The following IL23R variants were observed in gnomAD, a reference collection of about 807,000 sequenced individuals.
IL23R encodes the protein interleukin-23 receptor.
In IL23R, 34 loss-of-function variants were observed where a neutral mutation model predicts 56.9. The ratio of observed to expected loss-of-function variants is 0.60; its 90% CI spans 0.45 to 0.80. The LOEUF is 0.80. Among genes scored for constraint, IL23R ranks in the 30% least tolerant of loss-of-function variants. IL23R has a pLI of 0.00. For missense variants in IL23R, 635 were observed against 730.0 expected, an observed-to-expected ratio of 0.87 and a Z score of 1.50; for synonymous variants, 230 against 249.2, an observed-to-expected ratio of 0.92 and a Z score of 0.73.
intron 7 of IL23R, among the ~76,000 whole-genome samples, chr1:67,223,980 A>G (rs2100250809): frequency 6.6e-6 from 1 of 152,228 alleles, no homozygotes; most frequent in Non-Finnish European, 1.5e-5. Context: ...TTTTTACCGA[A>G]TCTTTAATAT....
chr1:67,148,737 G>T (rs1194826687), intron 1 of IL23R, among the ~76,000 whole-genome samples: 1 of 152,186 alleles, frequency 6.6e-6, no homozygotes, highest in East Asian at 1.9e-4. Context: ...TTCACTGTGG[G>T]CAGAAGGTAT....
rs947274143 is a variant in IL23R, at chr1:67,170,098, G to C, written c.367+460G>C. The stretch of plus-strand genomic sequence containing the variant: ...GAAGCAGATCCCATTGAGAAATTTT[G>C]AGGCCAAGGTTTAGGGAGAGTTGCA... On this transcript the variant is annotated intron_variant, in intron 3 of 10. Transcript: ENST00000347310. Among the ~76,000 whole-genome samples the C allele has an allele frequency of 2.6e-5, 4 of 152,124 alleles. No individual in the cohort carries two copies. In the South Asian group the frequency reaches 8.3e-4, roughly 32 times the overall value.
intron 1 of IL23R, among the ~76,000 whole-genome samples, chr1:67,146,831 T>G (rs965378222): frequency 6.6e-6 from 1 of 152,222 alleles, no homozygotes; most frequent in African/African-American, 2.4e-5. Context: ...ATCTTCACGA[T>G]TATCTGCTAA....
Position 67,200,750 on chromosome 1 carries a change from G to A in IL23R, c.505G>A (p.Glu169Lys), listed in dbSNP as rs769559634. The A allele has an allele frequency of 5.6e-6, 9 of 1,613,294 alleles. No individual in the cohort carries two copies. Among genetic ancestry groups the A allele is most frequent in the Middle Eastern group, 1.6e-4 (1 of 6,062 alleles). The change falls in exon 5 of 11, where the codon GAA (glutamate) becomes AAA (lysine). Residue 169 changes from glutamate to lysine, a missense_variant. Physicochemically the swap from Glu to Lys is moderately conservative, Grantham distance 56 (BLOSUM62 1). Coordinates refer to ENST00000347310, the MANE Select transcript of IL23R (RefSeq NM_144701.3). Reference protein sequence around the residue: ...VVHVKSLETEEEQQYLTSSYI... With the variant: ...VVHVKSLETEKEQQYLTSSYI... ...TTTTGTTTTAAGTTTAGAGACAGAA[G>A]AAGAGCAACAGTATCTCACCTCAAG...
intron 4 of IL23R, among the ~76,000 whole-genome samples, chr1:67,198,308 C>A (rs1178869876): frequency 6.6e-6 from 1 of 152,152 alleles, no homozygotes; most frequent in Non-Finnish European, 1.5e-5. Context: ...CTTTCGCCAC[C>A]GCCTCCAACC....
At chr1:67,220,002 T>C (rs1353628760) in intron 7 of IL23R, among the ~76,000 whole-genome samples, 1 of 152,084 alleles carries the variant, frequency 6.6e-6, no homozygotes, top group Non-Finnish European at 1.5e-5. Context: ...GCCCGGGAGT[T>C]TGATGCTGCA....
intron 4 of IL23R, among the ~76,000 whole-genome samples, chr1:67,190,514 T>C (rs1647664993): frequency 6.6e-6 from 1 of 151,982 alleles, no homozygotes; most frequent in Non-Finnish European, 1.5e-5. Context: ...AGCAATTTCA[T>C]GTAAATATAT....
chr1:67,239,344 ACCTCCACCTC>A (rs1651706788), intron 8 of IL23R, among the ~76,000 whole-genome samples: 1 of 152,064 alleles, frequency 6.6e-6, no homozygotes, highest in Non-Finnish European at 1.5e-5. Context: ...GCTCACTGCA[ACCTCCACCTC>A]CCAGGCTCAA....
chr1:67,146,745 G>A (rs995280579), intron 1 of IL23R, among the ~76,000 whole-genome samples: 2 of 152,160 alleles, frequency 1.3e-5, no homozygotes, highest in South Asian at 2.1e-4. Flanking sequence ...AGAGAAGACC[G>A]AAACCAAGAT....
At chr1:67,198,960 C>T (rs886186953) in intron 4 of IL23R, among the ~76,000 whole-genome samples, 1 of 152,028 alleles carries the variant, frequency 6.6e-6, no homozygotes, top group Non-Finnish European at 1.5e-5. Flanking sequence ...CCTTCATATC[C>T]ACCCCCATTG....
upstream of IL23R, among the ~76,000 whole-genome samples, chr1:67,164,876 G>A (rs747943435): frequency 3.3e-5 from 5 of 151,316 alleles, no homozygotes; most frequent in Non-Finnish European, 7.4e-5. Flanking sequence ...TATATGAAGA[G>A]GTACTCAACA....
downstream of IL23R, among the ~76,000 whole-genome samples, chr1:67,262,365 G>A (rs1653224156): frequency 6.6e-6 from 1 of 152,120 alleles, no homozygotes; most frequent in South Asian, 2.1e-4. Context: ...AAAGGAAAAT[G>A]TCAGATAATA....
chr1:67,146,355 C>T (rs1646679277), intron 1 of IL23R, among the ~76,000 whole-genome samples: 1 of 152,152 alleles, frequency 6.6e-6, no homozygotes. Flanking sequence ...CAGATCTCTA[C>T]ACGGGTGTGG....
intron 7 of IL23R, among the ~76,000 whole-genome samples, chr1:67,228,706 G>A (rs1200993915): frequency 6.6e-6 from 1 of 152,128 alleles, no homozygotes; most frequent in Non-Finnish European, 1.5e-5. Flanking sequence ...GACAGAATCA[G>A]TTTCATTGCT....
chr1:67,173,212 A>G (rs1646965458), intron 3 of IL23R, among the ~76,000 whole-genome samples: 1 of 152,206 alleles, frequency 6.6e-6, no homozygotes, highest in Non-Finnish European at 1.5e-5. Context: ...CAACAACTTG[A>G]TGTTATTATC....
intron 1 of IL23R, among the ~76,000 whole-genome samples, chr1:67,140,050 G>A (rs1199555592): frequency 6.6e-6 from 1 of 152,160 alleles, no homozygotes; most frequent in African/African-American, 2.4e-5. Flanking sequence ...CCTCCCAGCA[G>A]CAAGAAGTCC....
upstream of IL23R, among the ~76,000 whole-genome samples, chr1:67,163,167 A>C (rs1646837603): frequency 6.6e-6 from 1 of 152,086 alleles, no homozygotes; most frequent in Non-Finnish European, 1.5e-5. Context: ...CATCATTTGG[A>C]TGAGTCAAAA....
intron 6 of IL23R, among the ~76,000 whole-genome samples, chr1:67,218,958 T>TAC (rs1309373872): frequency 6.0e-5 from 9 of 150,580 alleles, no homozygotes; most frequent in South Asian, 4.2e-4. Context: ...AATATATATA[T>TAC]ACACACACAC....
At chr1:67,171,297 C>T (rs1646941408) in intron 3 of IL23R, among the ~76,000 whole-genome samples, 1 of 152,136 alleles carries the variant, frequency 6.6e-6, no homozygotes, top group African/African-American at 2.4e-5. Flanking sequence ...AACAAAATTT[C>T]AGCAAATTTA....
Sources: gnomAD v4.1 joint callset for allele counts (sites outside exome capture counted in the v4.1 genomes callset) on GRCh38, gnomAD v4.1.1 for gene constraint, MANE v1.5 for transcripts, NCBI Gene and HGNC (gene_info 2026-07-23, HGNC 2026-07-21) for gene names.